Variants in R3HDM2 observed in about 807,000 individuals in gnomAD.
R3HDM2 encodes the protein R3H domain-containing protein 2.
Under a neutral mutation model 124.5 loss-of-function variants are expected in R3HDM2, and 38 were observed. The ratio of observed to expected loss-of-function variants is 0.31; its 90% confidence interval spans 0.24 to 0.40. R3HDM2 has a LOEUF of 0.40. Among genes scored for constraint, R3HDM2 ranks in the 10% least tolerant of loss-of-function variants. R3HDM2 has a pLI of 1.00. For missense variants in R3HDM2, 869 were observed against 1,236.9 expected (o/e 0.70, Z 4.46); for synonymous variants, 391 against 448.0 (o/e 0.87, Z 1.61).
chr12:57,421,278 A>C (rs1279252591), intron 1 of R3HDM2, among the ~76,000 whole-genome samples: 1 of 144,282 alleles, frequency 6.9e-6, no homozygotes, highest in Admixed American at 7.4e-5. Flanking sequence ...CAGCCTCCCG[A>C]GTAGCTGGGA....
chr12:57,360,048 T>TATA (rs58471413), intron 2 of R3HDM2, among the ~76,000 whole-genome samples: 829 of 58,958 alleles, frequency 0.014, 4 homozygotes, highest in Non-Finnish European at 0.018. Context: ...TATATATATA[T>TATA]TTTTTTTTTT....
chr12:57,288,807 C>T (rs1243725805), intron 12 of R3HDM2: 2 of 1,462,660 alleles, frequency 1.4e-6, no homozygotes, highest in Admixed American at 4.0e-5. Flanking sequence ...TACAGCAAAA[C>T]AAAATAAAAT....
intron 12 of R3HDM2, 56 bp downstream of exon 12, chr12:57,288,953 T>A: frequency 5.2e-6 from 8 of 1,548,478 alleles, no homozygotes; most frequent in Non-Finnish European, 7.0e-6. Flanking sequence ...CAGGATTATA[T>A]TAACCTCACT....
chr12:57,424,441 C>A (rs553908503), intron 1 of R3HDM2, among the ~76,000 whole-genome samples: 1 of 151,904 alleles, frequency 6.6e-6, no homozygotes, highest in Non-Finnish European at 1.5e-5. Flanking sequence ...GAATTACAGG[C>A]GTGAGCCACC....
At chr12:57,302,686 AG>A (rs2051493683) in intron 4 of R3HDM2, among the ~76,000 whole-genome samples, 3 of 150,396 alleles carry the variant, frequency 2.0e-5, no homozygotes, top group South Asian at 2.1e-4. Context: ...AAAAAAAAAA[AG>A]TAAAACATTA....
chr12:57,370,236 T>C (rs1282029180), intron 2 of R3HDM2, among the ~76,000 whole-genome samples: 1 of 152,050 alleles, frequency 6.6e-6, no homozygotes, highest in Non-Finnish European at 1.5e-5. Context: ...CGTCTGGAAT[T>C]TCCCCTGCTT....
chr12:57,295,047 A>C (rs771135165), intron 10 of R3HDM2, among the ~76,000 whole-genome samples: 5 of 152,196 alleles, frequency 3.3e-5, no homozygotes, highest in South Asian at 2.1e-4. Context: ...CTAACTATTA[A>C]AGGAAAAAAA....
intron 19 of R3HDM2, among the ~76,000 whole-genome samples, chr12:57,259,499 G>A (rs2040110385): frequency 6.6e-6 from 1 of 152,222 alleles, no homozygotes; most frequent in South Asian, 2.1e-4. Flanking sequence ...GGTTGTTCTG[G>A]AGAAGATAAA....
chr12:57,270,082 T>C, intron 14 of R3HDM2, 88 bp from the exon 15 acceptor site: 1 of 1,482,656 alleles, frequency 6.7e-7, no homozygotes, highest in South Asian at 1.2e-5. Flanking sequence ...ATAGCAATGC[T>C]TTTTACAACC....
At chr12:57,404,520 A>C (rs1215759218) in intron 1 of R3HDM2, among the ~76,000 whole-genome samples, 1 of 151,096 alleles carries the variant, frequency 6.6e-6, no homozygotes, top group Non-Finnish European at 1.5e-5. Context: ...ACATGGTGAA[A>C]CCTCGTCTCT....
At chr12:57,295,953 T>C (rs1274081887) in intron 9 of R3HDM2, among the ~76,000 whole-genome samples, 1 of 152,184 alleles carries the variant, frequency 6.6e-6, no homozygotes, top group Non-Finnish European at 1.5e-5. Context: ...CACTCCAACC[T>C]CTGCCACTGG....
intron 14 of R3HDM2, among the ~76,000 whole-genome samples, chr12:57,271,623 A>G (rs1477345135): frequency 6.6e-6 from 1 of 152,212 alleles, no homozygotes; most frequent in Non-Finnish European, 1.5e-5. Flanking sequence ...TTCCAGGACA[A>G]TCAACATGGA....
intron 18 of R3HDM2, 98 bp from the exon 19 acceptor site, chr12:57,266,929 G>T: frequency 1.2e-6 from 1 of 862,924 alleles, no homozygotes; most frequent in Non-Finnish European, 1.8e-6. Context: ...CTATGGGAAG[G>T]AGAGGCAACT....
At chr12:57,260,417 C>T (rs2040484710) in intron 19 of R3HDM2, among the ~76,000 whole-genome samples, 1 of 151,982 alleles carries the variant, frequency 6.6e-6, no homozygotes, top group Admixed American at 6.6e-5. Flanking sequence ...GGTTTTGGCA[C>T]TGGCAACCAT....
intron 2 of R3HDM2, among the ~76,000 whole-genome samples, chr12:57,369,442 A>T (rs2063052973): frequency 6.6e-6 from 1 of 152,232 alleles, no homozygotes; most frequent in African/African-American, 2.4e-5. Context: ...CAAGTAAGCC[A>T]CCGTTCTAGC....
At chr12:57,426,909 C>T (rs2070791247) in intron 1 of R3HDM2, among the ~76,000 whole-genome samples, 1 of 152,220 alleles carries the variant, frequency 6.6e-6, no homozygotes, top group Admixed American at 6.6e-5. Context: ...AAGGAAAAAA[C>T]TCCTCCTTAC....
chr12:57,280,608 G>T, intron 13 of R3HDM2, 78 bp from the exon 14 acceptor site: 7 of 1,331,552 alleles, frequency 5.3e-6, no homozygotes, highest in Non-Finnish European at 6.1e-6. Context: ...TAGTCAGAGG[G>T]CTCTACTTTT....
chr12:57,318,183 T>C (rs907082898), intron 2 of R3HDM2, among the ~76,000 whole-genome samples: 3 of 150,608 alleles, frequency 2.0e-5, no homozygotes, highest in Admixed American at 6.6e-5. Context: ...TTCCAGCTAC[T>C]TGGGGGGCTG....
At chr12:57,365,708 G>C (rs973313307) in intron 2 of R3HDM2, among the ~76,000 whole-genome samples, 2 of 152,198 alleles carry the variant, frequency 1.3e-5, no homozygotes, top group Non-Finnish European at 2.9e-5. Context: ...AGCTGAGGCA[G>C]ATGGATCACC....
Sources: gnomAD v4.1 joint callset for allele counts (sites outside exome capture counted in the v4.1 genomes callset) on GRCh38, gnomAD v4.1.1 for gene constraint, MANE v1.5 for transcripts, NCBI Gene and HGNC (gene_info 2026-07-23, HGNC 2026-07-21) for gene names.